CMTM7: variants seen among roughly 807,000 people sequenced by gnomAD.
The protein encoded by CMTM7 is CKLF like MARVEL transmembrane domain containing 7.
CMTM7 carries 7 observed loss-of-function variants against 19.3 expected under a neutral mutation model. The ratio of observed to expected loss-of-function variants is 0.36; its 90% CI spans 0.21 to 0.68. The LOEUF is 0.68. Among genes scored for constraint, CMTM7 ranks in the 30% least tolerant of loss-of-function variants. The pLI is 0.60. For missense variants in CMTM7, 193 were observed against 232.6 expected, an observed-to-expected ratio of 0.83 and a Z score of 1.11; for synonymous variants, 87 against 99.3, an observed-to-expected ratio of 0.88 and a Z score of 0.74.
At chr3:32,401,075 T>A (rs1695995183) in intron 1 of CMTM7, among the ~76,000 whole-genome samples, 1 of 152,246 alleles carries the variant, frequency 6.6e-6, no homozygotes, top group Non-Finnish European at 1.5e-5. Flanking sequence ...ATAGTAATAG[T>A]ATTTAAGCTG....
intron 1 of CMTM7, among the ~76,000 whole-genome samples, chr3:32,422,252 C>G (rs773758862): frequency 6.6e-6 from 1 of 152,216 alleles, no homozygotes; most frequent in Non-Finnish European, 1.5e-5. Flanking sequence ...TTCTTCTTCC[C>G]CAGGCTGGCA....
intron 1 of CMTM7, among the ~76,000 whole-genome samples, chr3:32,415,526 C>G (rs1422198439): frequency 6.6e-6 from 1 of 152,236 alleles, no homozygotes; most frequent in Non-Finnish European, 1.5e-5. Context: ...GGCAGTGGAA[C>G]TGCTGGATTC....
At chr3:32,415,625 G>A (rs559149391) in intron 1 of CMTM7, among the ~76,000 whole-genome samples, 7 of 152,296 alleles carry the variant, frequency 4.6e-5, no homozygotes, top group African/African-American at 1.7e-4. Flanking sequence ...AATATTACCT[G>A]CTCAGGGTTA....
chr3:32,401,283 C>T (rs915997472), intron 1 of CMTM7, among the ~76,000 whole-genome samples: 2 of 152,330 alleles, frequency 1.3e-5, no homozygotes, highest in Non-Finnish European at 2.9e-5. Context: ...TAATCACCGG[C>T]AAGAATTCCC....
intron 1 of CMTM7, among the ~76,000 whole-genome samples, chr3:32,432,562 G>A (rs368695930): frequency 2.0e-5 from 3 of 152,314 alleles, no homozygotes; most frequent in East Asian, 1.9e-4. Context: ...CTGCTGAGCC[G>A]GGCTGCCTGG....
At chr3:32,412,666 TTAATA>T (rs1357820730) in intron 1 of CMTM7, among the ~76,000 whole-genome samples, 2 of 151,804 alleles carry the variant, frequency 1.3e-5, no homozygotes, top group East Asian at 3.9e-4. Flanking sequence ...TAGGGAAACA[TTAATA>T]TAATTAAATC....
Position 32,407,865 on chromosome 3 carries a change from G to C in CMTM7, c.159+15800G>C, listed in dbSNP as rs183280043. ...TGTAACTTATAGTTGCCTTACTGTAGTTTAAGGATAAAAGATTATTTTCTA... is the reference window on the plus strand; with the variant it reads ...TGTAACTTATAGTTGCCTTACTGTACTTTAAGGATAAAAGATTATTTTCTA... On this transcript the variant is annotated intron_variant, in intron 1 of 4. Coordinates refer to ENST00000334983, the MANE Select transcript of CMTM7 (RefSeq NM_138410.4). Among the ~76,000 whole-genome samples, 3 of 152,300 alleles carry C rather than the reference G, an allele frequency of 2.0e-5. No homozygotes were observed. The East Asian group carries it at 5.8e-4, about 29-fold the overall frequency.
Position 32,441,840 on chromosome 3 carries a change from G to A in CMTM7, c.160G>A (p.Val54Ile). 1 of 1,613,804 alleles carries A rather than the reference G, an allele frequency of 6.2e-7. No individual in the cohort carries two copies. The highest frequency in any genetic ancestry group is 8.5e-7 in the Non-Finnish European group (1 of 1,179,802). ...TCTGATGTCTCTATTTATGTGGCAG[G>A]TCACCCTGCTGATTGCCTTCATCTG... ...HAALLKVAQM[V>I]TLLIAFICVR... The change falls in exon 2 of 5, where the codon GTC becomes ATC. Residue 54 changes from valine to isoleucine, a missense_variant and splice_region_variant. Transcript: ENST00000334983.
In CMTM7 at chr3:32,452,521, A is replaced by G. The variant is rs751331625; in HGVS notation, c.514+48A>G. On this transcript the variant is annotated intron_variant, in intron 4 of 4. Coordinates refer to ENST00000334983, the MANE Select transcript of CMTM7 (RefSeq NM_138410.4). Reference sequence around the variant, plus strand: ...CAGAGGATCTCTCAGGAACAGGGGGATGGCTTGTTCTTGACTTCAGCCATA... The same window carrying G: ...CAGAGGATCTCTCAGGAACAGGGGGGTGGCTTGTTCTTGACTTCAGCCATA... The G allele has an allele frequency of 5.7e-6, 9 of 1,583,624 alleles. No homozygotes were observed. In the Admixed American group the frequency reaches 1.3e-4, roughly 23 times the overall value.
intron 1 of CMTM7, among the ~76,000 whole-genome samples, chr3:32,397,675 G>A (rs1433358403): frequency 3.3e-5 from 5 of 151,928 alleles, no homozygotes; most frequent in African/African-American, 9.7e-5. Flanking sequence ...CAGAGGTTGC[G>A]GTGAGCCGAG....
intron 2 of CMTM7, among the ~76,000 whole-genome samples, chr3:32,445,335 T>C (rs1696737807): frequency 6.6e-6 from 1 of 152,194 alleles, no homozygotes; most frequent in Non-Finnish European, 1.5e-5. Context: ...AAATATAACA[T>C]TGGGTGTGAG....
intron 1 of CMTM7, among the ~76,000 whole-genome samples, chr3:32,425,513 A>G (rs1426563280): frequency 6.6e-6 from 1 of 151,548 alleles, no homozygotes; most frequent in Non-Finnish European, 1.5e-5. Flanking sequence ...AAAATAAAAG[A>G]GCATTTAATG....
chr3:32,429,235 C>T (rs1051072358), intron 1 of CMTM7, among the ~76,000 whole-genome samples: 1 of 151,724 alleles, frequency 6.6e-6, no homozygotes, highest in African/African-American at 2.4e-5. Context: ...ATCCTTTTTT[C>T]CCCCTCCCCT....
In CMTM7 at chr3:32,454,426, G is replaced by A; in HGVS notation, c.*172G>A. The A allele has an allele frequency of 2.6e-6, 2 of 779,860 alleles. No homozygotes were observed. Among genetic ancestry groups the A allele is most frequent in the Non-Finnish European group, 4.5e-6 (2 of 448,078 alleles). 48.3% of individuals were successfully genotyped at this position (779,860 alleles called of 1,614,324 possible). A position where few individuals can be genotyped will look rare whatever the true frequency, so the allele number is the denominator to read the frequency against. On this transcript the variant is annotated 3_prime_UTR_variant, in exon 5 of 5. Transcript: ENST00000334983. ...CAGGAAGCCAGCTCCCTGAGCTCCT[G>A]AGCCAGCCGGAAACTCTTCCTCCAG... is the stretch of plus-strand genomic sequence containing the variant.
At chr3:32,417,824 TG>T (rs1483956415) in intron 1 of CMTM7, among the ~76,000 whole-genome samples, 2 of 152,048 alleles carry the variant, frequency 1.3e-5, no homozygotes, top group Non-Finnish European at 2.9e-5. Context: ...GTTTTTTTTT[TG>T]TTTGTTTATT....
At chr3:32,395,522 T>C (rs1478828577) in intron 1 of CMTM7, among the ~76,000 whole-genome samples, 1 of 152,212 alleles carries the variant, frequency 6.6e-6, no homozygotes, top group Non-Finnish European at 1.5e-5. Flanking sequence ...AATGGCCTGA[T>C]CTCCAAAACT....
chr3:32,448,212 A>G (rs1017727212), intron 2 of CMTM7, among the ~76,000 whole-genome samples: 5 of 152,174 alleles, frequency 3.3e-5, no homozygotes, highest in Admixed American at 3.3e-4. Flanking sequence ...GCCCCATGTC[A>G]TCCTCCTCTG....
At chr3:32,424,757 C>T (rs2097303567) in intron 1 of CMTM7, among the ~76,000 whole-genome samples, 1 of 152,090 alleles carries the variant, frequency 6.6e-6, no homozygotes, top group Non-Finnish European at 1.5e-5. Context: ...GCAATCCTCC[C>T]AGCCTCGGCC....
intron 1 of CMTM7, among the ~76,000 whole-genome samples, chr3:32,403,063 C>T (rs1346178006): frequency 6.6e-6 from 1 of 151,402 alleles, no homozygotes; most frequent in Non-Finnish European, 1.5e-5. Flanking sequence ...CCAGCGTCAG[C>T]TCTCAACATT....
Sources: allele counts gnomAD v4.1 joint callset (sites outside exome capture counted in the v4.1 genomes callset), GRCh38; gene constraint gnomAD v4.1.1; transcripts MANE v1.5; gene names NCBI Gene and HGNC (gene_info 2026-07-23, HGNC 2026-07-21).